ALKBH8: variants seen among roughly 807,000 people sequenced by gnomAD.
ALKBH8 encodes alkB homolog 8, tRNA methyltransferase, also known as tRNA (carboxymethyluridine(34)-5-O)-methyltransferase ALKBH8.
Under a neutral mutation model 59.8 loss-of-function variants are expected in ALKBH8, and 36 were observed. The observed-to-expected ratio is 0.60, with a 90% CI of 0.46 to 0.79. The LOEUF (loss-of-function observed/expected upper bound fraction) is 0.79. ALKBH8 is among the 30% of genes least tolerant of loss of function. The pLI, the probability that ALKBH8 is intolerant of heterozygous loss-of-function variation, is 0.00. For missense variants in ALKBH8, 768 were observed against 801.0 expected, an observed-to-expected ratio of 0.96 and a Z score of 0.50; for synonymous variants, 276 against 273.6, an observed-to-expected ratio of 1.01 and a Z score of -0.09.
chr11:107,511,132 T>C (rs1397510475), intron 10 of ALKBH8, 96 bp from the exon 11 acceptor site: 4 of 1,254,066 alleles, frequency 3.2e-6, no homozygotes, highest in East Asian at 2.5e-5. Flanking sequence ...ATTAGACAGA[T>C]ACCATATTCA....
chr11:107,563,097 G>T (rs936233578), intron 1 of ALKBH8, among the ~76,000 whole-genome samples: 9 of 152,202 alleles, frequency 5.9e-5, no homozygotes, highest in African/African-American at 2.2e-4. Context: ...GAGATACAGA[G>T]TTGCAATGTC....
intron 3 of ALKBH8, among the ~76,000 whole-genome samples, chr11:107,554,238 C>T (rs1457936009): frequency 6.6e-6 from 1 of 152,158 alleles, no homozygotes; most frequent in Non-Finnish European, 1.5e-5. Context: ...ATGATGAAGT[C>T]ACTTTTAAAA....
chr11:107,533,994 G>A (rs999196947), intron 7 of ALKBH8, among the ~76,000 whole-genome samples: 38 of 152,216 alleles, frequency 2.5e-4, no homozygotes, highest in African/African-American at 9.1e-4. Flanking sequence ...GCCGGGCATA[G>A]TGGTGGGCAC....
intron 7 of ALKBH8, among the ~76,000 whole-genome samples, chr11:107,538,554 A>G (rs1863915174): frequency 6.6e-6 from 1 of 152,200 alleles, no homozygotes; most frequent in Non-Finnish European, 1.5e-5. Flanking sequence ...CAGCAAGCTT[A>G]TAGGGCATGA....
intron 6 of ALKBH8, 119 bp from the exon 7 acceptor site, chr11:107,549,942 C>A (rs187867824): frequency 3.0e-6 from 2 of 669,630 alleles, no homozygotes; most frequent in East Asian, 2.9e-5. Context: ...CAGGAAGGTA[C>A]TATAATTTTG....
intron 7 of ALKBH8, among the ~76,000 whole-genome samples, chr11:107,545,558 G>C (rs998551087): frequency 1.3e-5 from 2 of 152,166 alleles, no homozygotes; most frequent in East Asian, 3.9e-4. Flanking sequence ...CAGCAGATGG[G>C]GTCTTTACTA....
At chr11:107,540,887 TTGAA>T (rs1864007306) in intron 7 of ALKBH8, among the ~76,000 whole-genome samples, 2 of 152,244 alleles carry the variant, frequency 1.3e-5, no homozygotes, top group Non-Finnish European at 2.9e-5. Flanking sequence ...ACAAATATTT[TTGAA>T]TGAATGAATG....
chr11:107,560,741 A>G (rs1474904210), intron 2 of ALKBH8, 24 bp downstream of exon 2: 1 of 1,580,918 alleles, frequency 6.3e-7, no homozygotes, highest in Non-Finnish European at 8.6e-7. Flanking sequence ...TTACATTCTA[A>G]TAATAATAGT....
At chr11:107,518,612 C>T (rs1188581154) in intron 10 of ALKBH8, among the ~76,000 whole-genome samples, 6 of 152,256 alleles carry the variant, frequency 3.9e-5, no homozygotes, top group Non-Finnish European at 8.8e-5. Context: ...CAAACAATAG[C>T]ATGAGCAATC....
chr11:107,514,927 A>T (rs1253709542), intron 10 of ALKBH8, among the ~76,000 whole-genome samples: 2 of 152,058 alleles, frequency 1.3e-5, no homozygotes, highest in Admixed American at 1.3e-4. Flanking sequence ...ACAGCCAAAC[A>T]AAACAAGAGA....
rs753095067 is a variant in ALKBH8 at position 107,553,847 on chromosome 11, A to T, written c.499T>A (p.Ser167Thr). ...DWTEDTDNQN[S>T]QKSLKHRRVK... The stretch of plus-strand genomic sequence containing the variant: ...ATCAGATTTTGAAAGTTTTACTTAC[A>T]GTTTTGATTGTCTGTATCTTCTGTC... Residue 167 changes from serine (S) to threonine (T), a missense_variant and splice_region_variant, in exon 4 of 12, where the codon TCT (serine) becomes ACT (threonine). Coordinates refer to ENST00000428149, the MANE Select transcript of ALKBH8 (RefSeq NM_138775.3). The T allele has an allele frequency of 6.2e-7, 1 of 1,607,028 alleles. No individual in the cohort carries two copies.
At chr11:107,507,224 T>C (rs1250480607) in intron 11 of ALKBH8, among the ~76,000 whole-genome samples, 1 of 152,136 alleles carries the variant, frequency 6.6e-6, no homozygotes, top group Non-Finnish European at 1.5e-5. Context: ...GTTCCACAGC[T>C]CTCTTAGCCT....
chr11:107,529,316 A>G (rs544562262), intron 8 of ALKBH8, among the ~76,000 whole-genome samples: 1 of 152,316 alleles, frequency 6.6e-6, no homozygotes, highest in South Asian at 2.1e-4. Flanking sequence ...ATAATTTAAA[A>G]GGAGCATTCA....
In ALKBH8 at chr11:107,565,698, C is replaced by A; in HGVS notation, c.-104G>T. On this transcript the variant is annotated 5_prime_UTR_variant, in exon 1 of 12. Coordinates refer to ENST00000428149, the MANE Select transcript of ALKBH8 (RefSeq NM_138775.3). Reference sequence around the variant, plus strand: ...CAGAACACCGCAGCGGATACTTGCACGCCATCTCCCCTGGGCGCGGCCATG... The same window carrying A: ...CAGAACACCGCAGCGGATACTTGCAAGCCATCTCCCCTGGGCGCGGCCATG... The A allele has an allele frequency of 6.5e-7, 1 of 1,532,774 alleles. No homozygotes were observed. The highest frequency in any genetic ancestry group is 1.4e-5 in the African/African-American group (1 of 73,112). 94.9% of individuals were successfully genotyped at this position (1,532,774 alleles called of 1,614,324 possible).
chr11:107,551,374 T>A (rs1864482922), intron 6 of ALKBH8, among the ~76,000 whole-genome samples: 1 of 152,202 alleles, frequency 6.6e-6, no homozygotes, highest in Admixed American at 6.5e-5. Context: ...CAAGGCAATC[T>A]GACAGTTAAT....
chr11:107,560,666 G>T, intron 2 of ALKBH8, 99 bp downstream of exon 2: 1 of 1,192,186 alleles, frequency 8.4e-7, no homozygotes, highest in Non-Finnish European at 1.1e-6. Flanking sequence ...ACACATGACT[G>T]AACAATTACA....
intron 8 of ALKBH8, among the ~76,000 whole-genome samples, chr11:107,526,467 A>G (rs1863361241): frequency 6.6e-6 from 1 of 151,966 alleles, no homozygotes; most frequent in African/African-American, 2.4e-5. Flanking sequence ...TGTTAGATAC[A>G]GATAGATACA....
chr11:107,555,149 T>A (rs182047500), intron 3 of ALKBH8, among the ~76,000 whole-genome samples: 2 of 151,922 alleles, frequency 1.3e-5, no homozygotes, highest in African/African-American at 4.8e-5. Context: ...AGTCTCAGCT[T>A]CTCGGGAGGC....
intron 5 of ALKBH8, 32 bp downstream of exon 5, chr11:107,553,076 C>A (rs2135575919): frequency 1.5e-6 from 2 of 1,353,272 alleles, no homozygotes; most frequent in East Asian, 4.8e-5. Flanking sequence ...TATTTTTGAG[C>A]CAGAATTTAT....
Sources: allele counts gnomAD v4.1 joint callset (sites outside exome capture counted in the v4.1 genomes callset), GRCh38; gene constraint gnomAD v4.1.1; transcripts MANE v1.5; gene names NCBI Gene and HGNC (gene_info 2026-07-23, HGNC 2026-07-21).